The following ARFRP1 variants were observed in gnomAD, a reference collection of about 807,000 sequenced individuals.
ARFRP1 encodes ADP-ribosylation factor-related protein 1.
ARFRP1 carries 19 observed loss-of-function variants against 30.3 expected under a neutral mutation model. The ratio of observed to expected loss-of-function variants is 0.63; its 90% confidence interval spans 0.44 to 0.92. The LOEUF (loss-of-function observed/expected upper bound fraction) is 0.92. Ranked by LOEUF, ARFRP1 falls within the 40% of genes least tolerant of loss-of-function variation. ARFRP1 has a pLI of 0.00. For missense variants in ARFRP1, 245 were observed against 267.5 expected (o/e 0.92, Z 0.59); for synonymous variants, 133 against 114.2 (o/e 1.16, Z -1.05).
In ARFRP1 at chr20:63,700,277, A is replaced by C. The variant is rs1360189534; in HGVS notation, c.*166T>G. 2 of 1,072,696 alleles carry C rather than the reference A, an allele frequency of 1.9e-6. No homozygotes were observed. Among genetic ancestry groups the C allele is most frequent in the Non-Finnish European group, 2.6e-6 (2 of 758,244 alleles). 66.4% of individuals were successfully genotyped at this position (1,072,696 alleles called of 1,614,324 possible). ...TCCCCTCCAAAGCCTCCGGATGCCT[A>C]CGCTTTTCCAGACATAGAGGAAAGT... is the stretch of plus-strand genomic sequence containing the variant. On this transcript the variant is annotated 3_prime_UTR_variant, in exon 8 of 8. Transcript: ENST00000622789.
chr20:63,701,301 C>T (rs760892038), intron 6 of ARFRP1: 16 of 530,334 alleles, frequency 3.0e-5, no homozygotes, highest in Non-Finnish European at 4.6e-5. Flanking sequence ...GCCCTCTGGA[C>T]GCCGGGCTGC....
chr20:63,704,612 A>G lies in ARFRP1; in HGVS notation c.264+1745T>C, dbSNP rs2091369716. 2 of 152,304 alleles carry G rather than the reference A, an allele frequency of 1.3e-5. 1 individual carries two copies. 9.4% of individuals were successfully genotyped at this position (152,304 alleles called of 1,614,324 possible). A position where few individuals can be genotyped will look rare whatever the true frequency, so the allele number is the denominator to read the frequency against. ...AAGACCAGCAGCAAGGATGGGCTAC[A>G]GTGGCCCCCTTAAGTCTCCCTCTTC... On this transcript the variant is annotated intron_variant, in intron 4 of 7. Coordinates refer to ENST00000622789, the MANE Select transcript of ARFRP1 (RefSeq NM_001267547.3).
In ARFRP1 at chr20:63,699,983, C is replaced by CCGGGGTCA. The variant is rs1361988580; in HGVS notation, c.*452_*459dup. 6.5e-5 allele frequency: 15 copies of CCGGGGTCA among 231,884 alleles called. No homozygotes were observed. Among genetic ancestry groups the CCGGGGTCA allele is most frequent in the South Asian group, 1.7e-4 (3 of 17,750 alleles). 14.4% of individuals were successfully genotyped at this position (231,884 alleles called of 1,614,324 possible). A position where few individuals can be genotyped will look rare whatever the true frequency, so the allele number is the denominator to read the frequency against. ...AGGCAAGATCAGCCCCAGACCACTT[C>CCGGGGTCA]CGGGGTCACGGGGTCACGGGGTCAC... On this transcript the variant is annotated 3_prime_UTR_variant, in exon 8 of 8. Transcript: ENST00000622789.
chr20:63,700,253 C>A lies in ARFRP1; in HGVS notation c.*190G>T. ...CCTGGGCCAGCCGGGCTGCCAGACT[C>A]CCCTCCAAAGCCTCCGGATGCCTAC... On this transcript the variant is annotated 3_prime_UTR_variant, in exon 8 of 8. Transcript: ENST00000622789. The A allele has an allele frequency of 1.2e-6, 1 of 847,030 alleles. No individual in the cohort carries two copies. The highest frequency in any genetic ancestry group is 1.8e-6 in the Non-Finnish European group (1 of 562,498). The allele number at this position is 847,030 out of a possible 1,614,324, so 52.5% of individuals were successfully genotyped here.
intron 2 of ARFRP1, 84 bp from the exon 3 acceptor site, chr20:63,706,822 A>C: frequency 7.6e-7 from 1 of 1,321,370 alleles, no homozygotes; most frequent in South Asian, 1.2e-5. Flanking sequence ...GTTCTTTAAA[A>C]GACAGAAACA....
At chr20:63,702,102 T>A in intron 5 of ARFRP1, 34 bp downstream of exon 5, 1 of 1,577,210 alleles carries the variant, frequency 6.3e-7, no homozygotes, top group Non-Finnish European at 8.6e-7. Context: ...CCACTCACCA[T>A]CCATCCCTCC....
intron 4 of ARFRP1, chr20:63,705,971 C>A: frequency 2.9e-6 from 1 of 347,794 alleles, no homozygotes; most frequent in Admixed American, 3.8e-5. Flanking sequence ...CCCAGATCCC[C>A]CCCGGCTTCA....
At chr20:63,704,680 CCT>C (rs1160323272) in intron 4 of ARFRP1, 1 of 152,280 alleles carries the variant, frequency 6.6e-6, no homozygotes, top group Non-Finnish European at 1.5e-5. Flanking sequence ...TGGAGGAACC[CCT>C]CTCCAACGTG....
chr20:63,702,237 G>T lies in ARFRP1; in HGVS notation c.265-20C>A, dbSNP rs992084942. The T allele has an allele frequency of 1.2e-6, 2 of 1,606,424 alleles. No homozygotes were observed. The highest frequency in any genetic ancestry group is 2.7e-5 in the African/African-American group (2 of 74,802). On this transcript the variant is annotated intron_variant, in intron 4 of 7. Coordinates refer to ENST00000622789, the MANE Select transcript of ARFRP1 (RefSeq NM_001267547.3). The stretch of plus-strand genomic sequence containing the variant: ...ATAATACTGGGAGGAAGCACCAGGA[G>T]TTGGGGCTCAGTCCCCACCCTGCCA...
Position 63,699,622 on chromosome 20 carries a change from T to C in ARFRP1, c.*821A>G, listed in dbSNP as rs2145507734. On this transcript the variant is annotated 3_prime_UTR_variant, in exon 8 of 8. Transcript: ENST00000622789. Reference sequence around the variant, plus strand: ...CACTCGGCAGGCCCAGTGGGGTCCGTGCAGGGAGGACCCCAGGACCAGCCT... The same window carrying C: ...CACTCGGCAGGCCCAGTGGGGTCCGCGCAGGGAGGACCCCAGGACCAGCCT... 6.5e-6 allele frequency: 1 copy of C among 152,722 alleles called. No individual in the cohort carries two copies. Among genetic ancestry groups the C allele is most frequent in the African/African-American group, 2.4e-5 (1 of 41,530 alleles). 9.5% of individuals were successfully genotyped at this position (152,722 alleles called of 1,614,324 possible).
chr20:63,705,597 C>G (rs753906982), intron 4 of ARFRP1: 2 of 518,260 alleles, frequency 3.9e-6, no homozygotes, highest in Non-Finnish European at 8.0e-6. Flanking sequence ...TTCTGGTGAT[C>G]ATGGAAGAAC....
chr20:63,705,573 G>T, intron 4 of ARFRP1: 1 of 491,068 alleles, frequency 2.0e-6, no homozygotes, highest in Non-Finnish European at 4.2e-6. Flanking sequence ...GCCGCTGTGA[G>T]ACCCTGAGGA....
At position 63,701,899 on chromosome 20, in the gene ARFRP1, CT is replaced by C; in HGVS notation, c.347del (p.Glu116GlyfsTer4). On this transcript the variant is annotated frameshift_variant and splice_region_variant, in exon 6 of 8. Transcript: ENST00000622789. LOFTEE classifies it high-confidence loss of function. The stretch of plus-strand genomic sequence containing the variant: ...ACAGCGCCTCGCTGGTCACCACCTT[CT>C]CTGGGGAGGGCAGGAGAGGCAGCGC... Reference protein sequence around the residue: ...ERLAESKQAFEKVVTSEALCG... With the variant: ...ERLAESKQAFXKVVTSEALCG... The C allele has an allele frequency of 6.5e-7, 1 of 1,549,534 alleles. No homozygotes were observed. The highest frequency in any genetic ancestry group is 8.7e-7 in the Non-Finnish European group (1 of 1,146,862).
At chr20:63,702,528 G>T in intron 4 of ARFRP1, 1 of 377,898 alleles carries the variant, frequency 2.6e-6, no homozygotes, top group Non-Finnish European at 5.0e-6. Context: ...AGAAGCAGGA[G>T]GATCACCTGA....
At position 63,698,679 on chromosome 20, in the gene ARFRP1, A is replaced by C. The variant is rs2091042860; in HGVS notation, c.*1764T>G. 7.9e-7 allele frequency: 1 copy of C among 1,264,224 alleles called. No homozygotes were observed. Among genetic ancestry groups the C allele is most frequent in the Admixed American group, 3.8e-5 (1 of 26,056 alleles). The allele number at this position is 1,264,224 out of a possible 1,614,324, so 78.3% of individuals were successfully genotyped here. A position where few individuals can be genotyped will look rare whatever the true frequency, so the allele number is the denominator to read the frequency against. ...AAGCTTATTTTTATAAAGCTTTTTC[A>C]TAAAACTGGTTGTAGTTGCACAGCT... On this transcript the variant is annotated 3_prime_UTR_variant, in exon 8 of 8. Coordinates refer to ENST00000622789, the MANE Select transcript of ARFRP1 (RefSeq NM_001267547.3).
In ARFRP1 at chr20:63,700,382, A is replaced by T. The variant is rs2091138488; in HGVS notation, c.*61T>A. ...CCCCCAGATCAGCAGCATGGGAGCC[A>T]ACAGGAGGCCACTCCTCCAGCACCA... On this transcript the variant is annotated 3_prime_UTR_variant, in exon 8 of 8. Coordinates refer to ENST00000622789, the MANE Select transcript of ARFRP1 (RefSeq NM_001267547.3). The T allele has an allele frequency of 6.3e-7, 1 of 1,596,534 alleles. No individual in the cohort carries two copies. Among genetic ancestry groups the T allele is most frequent in the Non-Finnish European group, 8.5e-7 (1 of 1,177,146 alleles).
chr20:63,701,998 G>GACCCCC (rs2091229779), intron 5 of ARFRP1, 98 bp from the exon 6 acceptor site: 7 of 585,726 alleles, frequency 1.2e-5, no homozygotes, highest in South Asian at 4.3e-5. Context: ...CACTCCCTCT[G>GACCCCC]CCCCCCCCCC....
chr20:63,707,540 G>A (rs1458106279), intron 1 of ARFRP1: 1 of 164,080 alleles, frequency 6.1e-6, no homozygotes, highest in Non-Finnish European at 1.3e-5. Context: ...GCGCTCCCCA[G>A]GAGCCCCTGC....
Position 63,706,415 on chromosome 20 carries a change from G to A in ARFRP1, c.206C>T (p.Ala69Val). 2 of 1,613,386 alleles carry A rather than the reference G, an allele frequency of 1.2e-6. No homozygotes were observed. The highest frequency in any genetic ancestry group is 8.5e-7 in the Non-Finnish European group (1 of 1,180,012). The change falls in exon 4 of 8, where the codon GCT (alanine) becomes GTT (valine). Residue 69 changes from alanine to valine, a missense_variant. Coordinates refer to ENST00000622789, the MANE Select transcript of ARFRP1 (RefSeq NM_001267547.3). ...LNIGTVDVGK[A>V]RLMFWDLGGQ... ...TCCTAAGTCCCAGAACATGAGCCGA[G>A]CCTTTCCCACATCCACAGTGCCGAC...
Sources: allele counts gnomAD v4.1 joint callset, GRCh38; gene constraint gnomAD v4.1.1; transcripts MANE v1.5; gene names NCBI Gene and HGNC (gene_info 2026-07-23, HGNC 2026-07-21).